Variants in PTPRT observed in about 807,000 individuals in gnomAD.
PTPRT encodes protein tyrosine phosphatase receptor type T.
A neutral mutation model predicts 176.8 loss-of-function variants in PTPRT; 56 were observed. The observed-to-expected ratio is 0.32, with a 90% CI of 0.26 to 0.40. The LOEUF is 0.40. PTPRT is among the 10% of genes least tolerant of loss of function. PTPRT has a pLI of 1.00. For missense variants in PTPRT, 1,540 were observed against 1,908.2 expected (o/e 0.81, Z 3.60); for synonymous variants, 783 against 739.0 (o/e 1.06, Z -0.96).
intron 7 of PTPRT, among the ~76,000 whole-genome samples, chr20:42,568,348 C>T (rs552509478): frequency 3.9e-5 from 6 of 152,074 alleles, no homozygotes; most frequent in Non-Finnish European, 8.8e-5. Context: ...CACTGAATCC[C>T]AGTAGTGAAA....
At chr20:42,169,791 C>CACA (rs752547377) in intron 16 of PTPRT, among the ~76,000 whole-genome samples, 6 of 98,306 alleles carry the variant, frequency 6.1e-5, no homozygotes, top group Non-Finnish European at 1.2e-4. Context: ...CACACACACA[C>CACA]AACAGTCAGT....
rs541039107 is a variant in PTPRT, at chr20:42,522,920, C to CACGA, written c.1154-50362_1154-50359dup. 4.6e-3 allele frequency among the ~76,000 whole-genome samples: 699 copies of CACGA among 152,250 alleles called. 4 individuals carry two copies. Among genetic ancestry groups the CACGA allele is most frequent in the African/African-American group, 0.016 (667 of 41,544 alleles). ...TCTCTTTTCTCCTGTATATGGTATG[C>CACGA]ACGAATATGGTGGCTCATTTTCTGA... On this transcript the variant is annotated intron_variant, in intron 7 of 30. Transcript: ENST00000373187.
chr20:42,740,443 C>T (rs2076591860), intron 6 of PTPRT, among the ~76,000 whole-genome samples: 1 of 152,156 alleles, frequency 6.6e-6, no homozygotes, highest in Non-Finnish European at 1.5e-5. Flanking sequence ...CATCTCCATC[C>T]TCCTGCTCTG....
intron 2 of PTPRT, among the ~76,000 whole-genome samples, chr20:42,848,555 T>G (rs976539050): frequency 1.3e-5 from 2 of 152,250 alleles, no homozygotes; most frequent in African/African-American, 4.8e-5. Flanking sequence ...TGGTTTTGAT[T>G]TGCATTTCCC....
At position 42,876,696 on chromosome 20, in the gene PTPRT, A is replaced by G. The variant is rs372225080; in HGVS notation, c.214+9111T>C. On this transcript the variant is annotated intron_variant, in intron 2 of 30. Coordinates refer to ENST00000373187, the MANE Select transcript of PTPRT (RefSeq NM_007050.6). The stretch of plus-strand genomic sequence containing the variant: ...GTCCTCCTGAAACCACTTTCTCCCA[A>G]CTTTCCCAACACGAATAACTTTAAC... 5.9e-5 allele frequency among the ~76,000 whole-genome samples: 9 copies of G among 151,272 alleles called. No individual in the cohort carries two copies. The East Asian group carries it at 1.8e-3, about 30-fold the overall frequency.
At position 42,771,437 on chromosome 20, in the gene PTPRT, G is replaced by A. The variant is rs765578477; in HGVS notation, c.682C>T (p.Gln228Ter). ...KWSQHDKLWLQQWNGRDTALM... is the reference protein window; with the variant it reads ...KWSQHDKLWL ...GCAGAGGCTTCTCTCATGCTTACCT[G>A]GAGCCAAAGCTTGTCATGCTGAGAC... Residue 228 changes from glutamine (Q) to a stop codon, truncating the protein, a stop_gained and splice_region_variant, in exon 5 of 31, where the codon CAG becomes TAG. Transcript: ENST00000373187. LOFTEE classifies it high-confidence loss of function. The A allele has an allele frequency of 6.2e-7, 1 of 1,612,908 alleles. No homozygotes were observed. The highest frequency in any genetic ancestry group is 8.5e-7 in the Non-Finnish European group (1 of 1,178,952).
intron 6 of PTPRT, among the ~76,000 whole-genome samples, chr20:42,700,420 G>A (rs568561324): frequency 3.3e-5 from 5 of 152,254 alleles, no homozygotes; most frequent in Non-Finnish European, 7.4e-5. Context: ...GGAAACAGAC[G>A]CAGAGCGCCT....
intron 5 of PTPRT, among the ~76,000 whole-genome samples, chr20:42,766,540 T>C (rs960512673): frequency 3.3e-5 from 5 of 152,182 alleles, no homozygotes; most frequent in African/African-American, 1.2e-4. Context: ...CATATAAAGT[T>C]TCCAGAGGGG....
In PTPRT at chr20:42,489,426, C is replaced by T. The variant is rs183538818; in HGVS notation, c.1154-16864G>A. 1.1e-3 allele frequency among the ~76,000 whole-genome samples: 167 copies of T among 152,044 alleles called. 1 individual carries two copies. Among genetic ancestry groups the T allele is most frequent in the African/African-American group, 3.8e-3 (158 of 41,444 alleles). ...GACCTATGTGATCACAACACACTAGCGAGAGAGAGATTTCTGTTGCGGGTT... is the reference window on the plus strand; with the variant it reads ...GACCTATGTGATCACAACACACTAGTGAGAGAGAGATTTCTGTTGCGGGTT... On this transcript the variant is annotated intron_variant, in intron 7 of 30. Transcript: ENST00000373187.
intron 9 of PTPRT, among the ~76,000 whole-genome samples, chr20:42,407,733 C>T (rs1027719592): frequency 5.3e-5 from 8 of 152,016 alleles, no homozygotes; most frequent in Non-Finnish European, 1.5e-5. Context: ...TAGAATTTAT[C>T]TACAAATGAT....
At chr20:42,708,493 C>A (rs1307960250) in intron 6 of PTPRT, among the ~76,000 whole-genome samples, 1 of 152,124 alleles carries the variant, frequency 6.6e-6, no homozygotes, top group Non-Finnish European at 1.5e-5. Context: ...TCCACACAGG[C>A]CCTCCTTGTG....
At chr20:42,487,037 T>A (rs2071475516) in intron 7 of PTPRT, among the ~76,000 whole-genome samples, 2 of 152,202 alleles carry the variant, frequency 1.3e-5, no homozygotes, top group Admixed American at 1.3e-4. Context: ...TTGGTTAACA[T>A]GACCGGCCAA....
At chr20:42,341,073 G>A (rs1224241130) in intron 11 of PTPRT, among the ~76,000 whole-genome samples, 1 of 150,418 alleles carries the variant, frequency 6.6e-6, no homozygotes, top group Admixed American at 6.6e-5. Flanking sequence ...TGCCAATGTG[G>A]TCACACCGAG....
chr20:42,733,588 C>T (rs1236803276), intron 6 of PTPRT, among the ~76,000 whole-genome samples: 1 of 152,172 alleles, frequency 6.6e-6, no homozygotes, highest in Non-Finnish European at 1.5e-5. Flanking sequence ...ATTAGCACCT[C>T]GCCAGAGCCG....
chr20:42,925,905 A>G (rs936936058), intron 1 of PTPRT, among the ~76,000 whole-genome samples: 3 of 152,310 alleles, frequency 2.0e-5, no homozygotes, highest in Admixed American at 6.5e-5. Context: ...GGTACTGCAC[A>G]GTCCCTTTGC....
intron 7 of PTPRT, among the ~76,000 whole-genome samples, chr20:42,550,657 A>G (rs534876911): frequency 1.3e-5 from 2 of 152,194 alleles, no homozygotes; most frequent in African/African-American, 4.8e-5. Flanking sequence ...CATTTATTGC[A>G]TTGCGGGGCT....
At chr20:42,224,411 T>C (rs146736056) in intron 15 of PTPRT, among the ~76,000 whole-genome samples, 109 of 152,334 alleles carry the variant, frequency 7.2e-4, no homozygotes, top group African/African-American at 2.5e-3. Flanking sequence ...AAAAAGGAAA[T>C]GATGCCACCA....
rs116395039 is a variant in PTPRT, at chr20:42,479,564, C to T, written c.1154-7002G>A. On this transcript the variant is annotated intron_variant, in intron 7 of 30. Transcript: ENST00000373187. ...AAATCCATCTTCTTTCCAGCATCATCGAAACCCACTCTCTTGCTTATTTTC... is the reference window on the plus strand; with the variant it reads ...AAATCCATCTTCTTTCCAGCATCATTGAAACCCACTCTCTTGCTTATTTTC... Among the ~76,000 whole-genome samples the T allele has an allele frequency of 4.5e-3, 687 of 152,308 alleles. 5 individuals are homozygous for T. Among genetic ancestry groups the T allele is most frequent in the African/African-American group, 0.016 (660 of 41,568 alleles).
chr20:42,291,045 T>G (rs1030245711), intron 12 of PTPRT, among the ~76,000 whole-genome samples: 27 of 152,180 alleles, frequency 1.8e-4, no homozygotes, highest in African/African-American at 6.3e-4. Flanking sequence ...TTATCCCAAC[T>G]TGTGTCTTTA....
Sources: gnomAD v4.1 joint callset for allele counts (sites outside exome capture counted in the v4.1 genomes callset) on GRCh38, gnomAD v4.1.1 for gene constraint, MANE v1.5 for transcripts, NCBI Gene and HGNC (gene_info 2026-07-23, HGNC 2026-07-21) for gene names.